The following PKD1L1 variants were observed in gnomAD, a reference collection of about 807,000 sequenced individuals.
The protein encoded by PKD1L1 is polycystin 1 like 1, transient receptor potential channel interacting.
Under a neutral mutation model 323.4 loss-of-function variants are expected in PKD1L1, and 236 were observed. The ratio of observed to expected loss-of-function variants is 0.73; its 90% CI spans 0.66 to 0.81. PKD1L1 has a LOEUF of 0.81. Ranked by LOEUF, PKD1L1 falls within the 40% of genes least tolerant of loss-of-function variation. The probability of loss-of-function intolerance (pLI) is 0.00; values close to 1 mark genes in which losing one functional copy is unlikely to be tolerated. For missense variants in PKD1L1, 3,320 were observed against 3,508.0 expected (o/e 0.95, Z 1.35); for synonymous variants, 1,344 against 1,335.0 (o/e 1.01, Z -0.15).
intron 36 of PKD1L1, among the ~76,000 whole-genome samples, chr7:47,838,215 A>C (rs1785496679): frequency 6.6e-6 from 1 of 152,240 alleles, no homozygotes; most frequent in African/African-American, 2.4e-5. Flanking sequence ...CATGTTTCTT[A>C]CTAGCTTAGC....
At chr7:47,814,837 G>A (rs1216930850) in intron 47 of PKD1L1, among the ~76,000 whole-genome samples, 1 of 152,170 alleles carries the variant, frequency 6.6e-6, no homozygotes, top group African/African-American at 2.4e-5. Context: ...CATGGGAAAG[G>A]GGTTGAAAAT....
intron 28 of PKD1L1, 65 bp from the exon 29 acceptor site, chr7:47,855,330 G>A (rs1302469986): frequency 4.2e-6 from 5 of 1,189,124 alleles, no homozygotes; most frequent in Non-Finnish European, 6.1e-6. Flanking sequence ...GAGAAAAGCA[G>A]CAAACCAAAG....
chr7:47,893,098 C>T (rs572452511), intron 15 of PKD1L1, among the ~76,000 whole-genome samples: 10 of 151,850 alleles, frequency 6.6e-5, no homozygotes, highest in African/African-American at 1.9e-4. Context: ...GGCATGGTGG[C>T]GCGCATCTGT....
chr7:47,941,993 C>A (rs955271616), intron 2 of PKD1L1, among the ~76,000 whole-genome samples: 5 of 152,194 alleles, frequency 3.3e-5, no homozygotes, highest in Admixed American at 3.3e-4. Context: ...AACATGGAAA[C>A]TGACTCTCCT....
At chr7:47,880,697 T>C in intron 21 of PKD1L1, 31 bp downstream of exon 21, 1 of 1,560,744 alleles carries the variant, frequency 6.4e-7, no homozygotes, top group Non-Finnish European at 8.8e-7. Flanking sequence ...CTCCTCATCC[T>C]CTGATAAATG....
intron 12 of PKD1L1, among the ~76,000 whole-genome samples, chr7:47,903,546 T>G (rs986519196): frequency 1.3e-5 from 2 of 152,202 alleles, no homozygotes; most frequent in Non-Finnish European, 2.9e-5. Context: ...CCATAGTTAG[T>G]GATGGGGCCA....
intron 21 of PKD1L1, among the ~76,000 whole-genome samples, chr7:47,880,267 T>TATATATATAG (rs1786515297): frequency 2.6e-5 from 2 of 77,506 alleles, no homozygotes; most frequent in African/African-American, 1.5e-4. Context: ...TATATATACA[T>TATATATATAG]ATATATATAT....
At chr7:47,796,570 T>C (rs1348728125) in intron 54 of PKD1L1, among the ~76,000 whole-genome samples, 1 of 152,222 alleles carries the variant, frequency 6.6e-6, no homozygotes, top group Admixed American at 6.5e-5. Flanking sequence ...CAAGTTGTTG[T>C]GCCCTCAACA....
chr7:47,943,564 T>C (rs1260372136), intron 1 of PKD1L1, 53 bp from the exon 2 acceptor site: 2 of 1,400,648 alleles, frequency 1.4e-6, no homozygotes, highest in African/African-American at 2.8e-5. Context: ...AATCGTTTAA[T>C]CACAGACATC....
At chr7:47,812,806 C>G (rs1007289638) in intron 49 of PKD1L1, among the ~76,000 whole-genome samples, 5 of 152,216 alleles carry the variant, frequency 3.3e-5, no homozygotes, top group African/African-American at 1.2e-4. Context: ...TTAAATGAGA[C>G]AGTAAACACC....
chr7:47,798,083 G>A (rs1296976319), intron 54 of PKD1L1, among the ~76,000 whole-genome samples: 2 of 152,130 alleles, frequency 1.3e-5, no homozygotes. Context: ...TAAAAAGATA[G>A]TAACAAGATG....
rs772718934 is a variant in PKD1L1, at chr7:47,940,338, A to G, written c.161-21T>C. 1.1e-5 allele frequency: 17 copies of G among 1,604,716 alleles called. No individual in the cohort carries two copies. In the East Asian group the frequency reaches 3.8e-4, roughly 36 times the overall value. ...GACCTCTAGAGAAAAAAAAAAAAGC[A>G]AACATTCTGAAGACTGCAATGTGCT... is the stretch of plus-strand genomic sequence containing the variant. On this transcript the variant is annotated intron_variant, in intron 2 of 56. Coordinates refer to ENST00000289672, the MANE Select transcript of PKD1L1 (RefSeq NM_138295.5).
intron 56 of PKD1L1, among the ~76,000 whole-genome samples, chr7:47,784,873 A>C (rs1332978947): frequency 1.3e-5 from 2 of 152,204 alleles, no homozygotes; most frequent in Admixed American, 6.5e-5. Context: ...CCCTTTCCAG[A>C]GCCACCTATT....
intron 1 of PKD1L1, 115 bp downstream of exon 1, chr7:47,948,282 C>T: frequency 8.2e-7 from 1 of 1,216,126 alleles, no homozygotes; most frequent in Admixed American, 1.7e-5. Context: ...TACAGGGCCT[C>T]CACTCGTGCC....
intron 40 of PKD1L1, 109 bp downstream of exon 40, chr7:47,834,230 A>G (rs1205937009): frequency 2.4e-5 from 27 of 1,108,032 alleles, no homozygotes; most frequent in Non-Finnish European, 3.6e-5. Context: ...TCTCACCTTG[A>G]GCCTGACCCA....
At chr7:47,862,095 T>A (rs1433792853) in intron 26 of PKD1L1, among the ~76,000 whole-genome samples, 1 of 151,014 alleles carries the variant, frequency 6.6e-6, no homozygotes, top group East Asian at 2.0e-4. Flanking sequence ...CTAGGGACGC[T>A]GAGACAGGAG....
At chr7:47,913,548 C>T (rs1322613574) in intron 8 of PKD1L1, among the ~76,000 whole-genome samples, 1 of 152,146 alleles carries the variant, frequency 6.6e-6, no homozygotes, top group Non-Finnish European at 1.5e-5. Flanking sequence ...GTACTGTCCT[C>T]ATGATAGTGA....
rs567206346 is a variant in PKD1L1 at position 47,890,434 on chromosome 7, C to G, written c.2675+108G>C. 2.3e-5 allele frequency: 27 copies of G among 1,152,368 alleles called. No individual in the cohort carries two copies. The Admixed American group carries it at 5.2e-4, about 22-fold the overall frequency. 71.4% of individuals were successfully genotyped at this position (1,152,368 alleles called of 1,614,324 possible). ...CTTTGCAGTGAGAATCCTGCATGGC[C>G]AAACTCCAAACTGCTTGCTGTGCAC... On this transcript the variant is annotated intron_variant, in intron 16 of 56. Transcript: ENST00000289672.
chr7:47,843,932 C>T (rs79400272), intron 33 of PKD1L1, among the ~76,000 whole-genome samples: 7,479 of 152,202 alleles, frequency 0.049, 272 homozygotes, highest in Non-Finnish European at 0.068. Context: ...TTCTCACCTG[C>T]CCTCTTTTTT....
Sources: allele counts gnomAD v4.1 joint callset (sites outside exome capture counted in the v4.1 genomes callset), GRCh38; gene constraint gnomAD v4.1.1; transcripts MANE v1.5; gene names NCBI Gene and HGNC (gene_info 2026-07-23, HGNC 2026-07-21).